The following YJU2B variants were observed in gnomAD, a reference collection of about 807,000 sequenced individuals.
YJU2B encodes probable splicing factor YJU2B.
In YJU2B, 18 loss-of-function variants were observed where a neutral mutation model predicts 38.0. The observed-to-expected ratio is 0.47, with a 90% CI of 0.33 to 0.70. The LOEUF is 0.70. Ranked by LOEUF, YJU2B falls within the 30% of genes least tolerant of loss-of-function variation. YJU2B has a pLI of 0.02. For synonymous variants in YJU2B, 246 were observed against 225.4 expected (o/e 1.09, Z -0.82); for missense variants, 538 against 556.3 (o/e 0.97, Z 0.33).
chr19:13,752,744 C>CAAAAA (rs36068622), intron 2 of YJU2B, among the ~76,000 whole-genome samples: 2 of 144,934 alleles, frequency 1.4e-5, no homozygotes, highest in African/African-American at 2.5e-5. Context: ...AACTCCATCT[C>CAAAAA]AAAAAAAAAA....
Position 13,751,630 on chromosome 19 carries a change from C to A in YJU2B, c.-179C>A. The stretch of plus-strand genomic sequence containing the variant: ...CAGACACGCCGCTTTTTGGATGCCT[C>A]CTATGCCTGGCGGGAGTCTTGTCTG... On this transcript the variant is annotated 5_prime_UTR_variant, in exon 2 of 10. Transcript: ENST00000221554. 3 of 631,868 alleles carry A rather than the reference C, an allele frequency of 4.7e-6. No homozygotes were observed. The highest frequency in any genetic ancestry group is 2.8e-5 in the East Asian group (1 of 36,188). 39.1% of individuals were successfully genotyped at this position (631,868 alleles called of 1,614,324 possible). A position where few individuals can be genotyped will look rare whatever the true frequency, so the allele number is the denominator to read the frequency against.
chr19:13,747,786 G>C (rs975759599), upstream of YJU2B: 2 of 152,332 alleles, frequency 1.3e-5, no homozygotes, highest in African/African-American at 4.8e-5. Context: ...GGCCCACTCC[G>C]GCGTCGCAGA....
intron 8 of YJU2B, 136 bp from the exon 9 acceptor site, chr19:13,762,163 C>G (rs1291221960): frequency 1.9e-6 from 2 of 1,059,970 alleles, no homozygotes; most frequent in Non-Finnish European, 2.7e-6. Context: ...CCACTGCACT[C>G]CAGTCTGGGC....
In YJU2B at chr19:13,754,256, C is replaced by G. The variant is rs378189; in HGVS notation, c.4-33C>G. On this transcript the variant is annotated intron_variant, in intron 2 of 9. Coordinates refer to ENST00000221554, the MANE Select transcript of YJU2B (RefSeq NM_030818.4). ...GGACACAGCCAAACCATATCAGCCT[C>G]TCTCTGAGTCATGTCTCTGTTCTGC... 4.1e-4 allele frequency: 652 copies of G among 1,586,368 alleles called. 2 individuals are homozygous for G. The African/African-American group carries it at 7.5e-3, about 18-fold the overall frequency.
At chr19:13,742,021 A>G (rs1016267583) in intron 2 of YJU2B, among the ~76,000 whole-genome samples, 1 of 152,158 alleles carries the variant, frequency 6.6e-6, no homozygotes, top group African/African-American at 2.4e-5. Flanking sequence ...GACTTCATCT[A>G]CTCCTCTCTG....
rs1283084304 is a variant in YJU2B at position 13,762,295 on chromosome 19, A to C, written c.574-4A>C. ...ATCTCTGGTGTTCTTGGCCCTCAACACAGGAAAAGAAAAAAGCCATCCAGG... is the reference window on the plus strand; with the variant it reads ...ATCTCTGGTGTTCTTGGCCCTCAACCCAGGAAAAGAAAAAAGCCATCCAGG... On this transcript the variant is annotated splice_region_variant and splice_polypyrimidine_tract_variant and intron_variant, in intron 8 of 9. Coordinates refer to ENST00000221554, the MANE Select transcript of YJU2B (RefSeq NM_030818.4). 3 of 1,613,246 alleles carry C rather than the reference A, an allele frequency of 1.9e-6. No individual in the cohort carries two copies. The highest frequency in any genetic ancestry group is 2.5e-6 in the Non-Finnish European group (3 of 1,179,892).
rs1973704421 is a variant in YJU2B, at chr19:13,757,352, C to T, written c.141-66C>T. ...CAAATCACAACCGCGGCCAGAGTCG[C>T]AGGTGTGGAGACCCAGGGAGTGTCC... On this transcript the variant is annotated intron_variant, in intron 4 of 9. Coordinates refer to ENST00000221554, the MANE Select transcript of YJU2B (RefSeq NM_030818.4). The T allele has an allele frequency of 5.7e-6, 8 of 1,396,262 alleles. No individual in the cohort carries two copies. In the East Asian group the frequency reaches 1.8e-4, roughly 32 times the overall value. 86.5% of individuals were successfully genotyped at this position (1,396,262 alleles called of 1,614,324 possible).
chr19:13,751,369 C>T (rs556549622), intron 1 of YJU2B, among the ~76,000 whole-genome samples: 24 of 152,134 alleles, frequency 1.6e-4, no homozygotes, highest in African/African-American at 5.1e-4. Flanking sequence ...GAGCAGAGAT[C>T]GCGCCACTGC....
chr19:13,738,901 A>G (rs1973024161), intron 2 of YJU2B, among the ~76,000 whole-genome samples: 1 of 150,114 alleles, frequency 6.7e-6, no homozygotes. Context: ...TCAAAAAAAA[A>G]AAAAAAAAAA....
intron 2 of YJU2B, among the ~76,000 whole-genome samples, chr19:13,735,653 T>A (rs1296492528): frequency 6.6e-6 from 1 of 152,054 alleles, no homozygotes; most frequent in Non-Finnish European, 1.5e-5. Context: ...ATGGGTAAAT[T>A]ACGGTGGTGG....
rs1461620685 is a variant in YJU2B, at chr19:13,762,563, C to T, written c.713-27C>T. The T allele has an allele frequency of 8.5e-6, 13 of 1,530,928 alleles. No homozygotes were observed. In the Middle Eastern group the frequency reaches 5.4e-4, roughly 64 times the overall value. 94.8% of individuals were successfully genotyped at this position (1,530,928 alleles called of 1,614,324 possible). ...GTTCTGGACCCCCTCCCCTGCCGCC[C>T]CTGAAATGTCCTCTCCTCTCCTCTA... On this transcript the variant is annotated intron_variant, in intron 9 of 9. Coordinates refer to ENST00000221554, the MANE Select transcript of YJU2B (RefSeq NM_030818.4).
At chr19:13,744,893 T>TGA (rs1286977732), upstream of YJU2B, among the ~76,000 whole-genome samples, 1 of 151,404 alleles carries the variant, frequency 6.6e-6, no homozygotes, top group African/African-American at 2.4e-5. Context: ...CTCGGGAGGC[T>TGA]GAGGCAGGAG....
intron 5 of YJU2B, 119 bp downstream of exon 5, chr19:13,757,592 G>C: frequency 8.9e-7 from 1 of 1,119,432 alleles, no homozygotes; most frequent in Non-Finnish European, 1.3e-6. Flanking sequence ...ACGGGCACCC[G>C]AGTGACTGGC....
At chr19:13,740,520 G>A in intron 2 of YJU2B, among the ~76,000 whole-genome samples, 2 of 151,500 alleles carry the variant, frequency 1.3e-5, no homozygotes, top group East Asian at 1.9e-4. Context: ...CCAGTTAGAC[G>A]TTTTTTGTTT....
In YJU2B at chr19:13,754,275, G is replaced by T; in HGVS notation, c.4-14G>T. The T allele has an allele frequency of 6.2e-7, 1 of 1,610,176 alleles. No individual in the cohort carries two copies. Among genetic ancestry groups the T allele is most frequent in the Admixed American group, 1.7e-5 (1 of 60,002 alleles). On this transcript the variant is annotated splice_polypyrimidine_tract_variant and intron_variant, in intron 2 of 9. Transcript: ENST00000221554. The stretch of plus-strand genomic sequence containing the variant: ...CAGCCTCTCTCTGAGTCATGTCTCT[G>T]TTCTGCTTTGCAGGGTGAAAGGAAA...
rs1973962249 is a variant in YJU2B at position 13,762,900 on chromosome 19, T to A, written c.1023T>A (p.Thr341=). ...MSPGDCPPET[T]ETPKCSSPRG... ...CCGGAGACTGTCCTCCGGAAACAAC[T>A]GAGACCCCCAAGTGCAGCAGCCCGA... The change falls in exon 10 of 10, where the codon ACT becomes ACA. Residue 341 remains threonine (T), a synonymous_variant. Transcript: ENST00000221554. The A allele has an allele frequency of 6.2e-7, 1 of 1,611,440 alleles. No individual in the cohort carries two copies. Among genetic ancestry groups the A allele is most frequent in the Non-Finnish European group, 8.5e-7 (1 of 1,179,636 alleles).
chr19:13,757,284 T>G, intron 4 of YJU2B, 134 bp from the exon 5 acceptor site: 1 of 653,668 alleles, frequency 1.5e-6, no homozygotes, highest in East Asian at 2.7e-5. Flanking sequence ...GTAATGTGAG[T>G]GCAGCAACTC....
intron 2 of YJU2B, among the ~76,000 whole-genome samples, chr19:13,752,332 G>A (rs1476097380): frequency 1.3e-5 from 2 of 151,620 alleles, no homozygotes; most frequent in South Asian, 4.2e-4. Flanking sequence ...GCAAGGCCAG[G>A]CACAGTGGCT....
At chr19:13,757,676 T>A in intron 5 of YJU2B, 110 bp from the exon 6 acceptor site, 1 of 1,219,284 alleles carries the variant, frequency 8.2e-7, no homozygotes. Flanking sequence ...TAACTCCTCC[T>A]AGTTGGGGAA....
Sources: gnomAD v4.1 joint callset for allele counts (sites outside exome capture counted in the v4.1 genomes callset) on GRCh38, gnomAD v4.1.1 for gene constraint, MANE v1.5 for transcripts, NCBI Gene and HGNC (gene_info 2026-07-23, HGNC 2026-07-21) for gene names.